The following AHCYL2 variants were observed in gnomAD, a reference collection of about 807,000 sequenced individuals.
AHCYL2 encodes adenosylhomocysteinase like 2.
AHCYL2 carries 28 observed loss-of-function variants against 81.4 expected under a neutral mutation model. The ratio of observed to expected loss-of-function variants is 0.34; its 90% CI spans 0.25 to 0.47. AHCYL2 has a LOEUF of 0.47. Ranked by LOEUF, AHCYL2 falls within the 20% of genes least tolerant of loss-of-function variation. AHCYL2 has a pLI of 1.00. For missense variants in AHCYL2, 551 were observed against 785.1 expected (o/e 0.70, Z 3.56); for synonymous variants, 272 against 290.2 (o/e 0.94, Z 0.64).
chr7:129,243,380 G>A (rs913658350), intron 1 of AHCYL2, among the ~76,000 whole-genome samples: 3 of 151,856 alleles, frequency 2.0e-5, no homozygotes, highest in Non-Finnish European at 4.4e-5. Context: ...ATATCTTTTG[G>A]TCTGTGGCTT....
chr7:129,345,403 A>G (rs1332708613), intron 1 of AHCYL2, among the ~76,000 whole-genome samples: 2 of 152,226 alleles, frequency 1.3e-5, no homozygotes, highest in African/African-American at 4.8e-5. Context: ...CTGAAGAACT[A>G]TCGATGCTCA....
At chr7:129,269,817 T>G (rs1010013210) in intron 1 of AHCYL2, among the ~76,000 whole-genome samples, 1 of 152,368 alleles carries the variant, frequency 6.6e-6, no homozygotes, top group Non-Finnish European at 1.5e-5. Context: ...TAATTCATGC[T>G]TATATCCTTA....
chr7:129,389,095 C>T lies in AHCYL2; in HGVS notation c.515C>T (p.Pro172Leu). 6.2e-7 allele frequency: 1 copy of T among 1,613,786 alleles called. No individual in the cohort carries two copies. The highest frequency in any genetic ancestry group is 1.1e-5 in the South Asian group (1 of 91,072). Reference sequence around the variant, plus strand: ...GATAGCTCTGATGATGAGACATCGCCCAGGGACAAGCAGCAAAAGAACTCT... The same window carrying T: ...GATAGCTCTGATGATGAGACATCGCTCAGGGACAAGCAGCAAAAGAACTCT... ...YTDSSDDETS[P>L]RDKQQKNSKG... Residue 172 changes from proline to leucine, a missense_variant, in exon 3 of 17, where the codon CCC becomes CTC. By Grantham distance (98) the Pro-to-Leu change is moderately conservative (BLOSUM62 -3). Coordinates refer to ENST00000325006, the MANE Select transcript of AHCYL2 (RefSeq NM_015328.4).
At chr7:129,303,218 C>T (rs1349471716) in intron 1 of AHCYL2, among the ~76,000 whole-genome samples, 4 of 152,130 alleles carry the variant, frequency 2.6e-5, no homozygotes, top group Non-Finnish European at 4.4e-5. Context: ...AGGCTGGTCT[C>T]GAACTCCCAA....
intron 1 of AHCYL2, among the ~76,000 whole-genome samples, chr7:129,270,485 G>T (rs933093529): frequency 1.3e-5 from 2 of 152,066 alleles, no homozygotes; most frequent in Admixed American, 6.6e-5. Flanking sequence ...GACAAAGGGG[G>T]AAAGAACACT....
intron 5 of AHCYL2, among the ~76,000 whole-genome samples, chr7:129,397,967 A>G (rs749917106): frequency 6.6e-6 from 1 of 152,238 alleles, no homozygotes; most frequent in African/African-American, 2.4e-5. Flanking sequence ...TACAAATATT[A>G]AATGTGTACC....
At chr7:129,403,164 A>G (rs1315345157) in intron 6 of AHCYL2, among the ~76,000 whole-genome samples, 2 of 152,262 alleles carry the variant, frequency 1.3e-5, no homozygotes, top group South Asian at 4.1e-4. Context: ...GCGAATTACA[A>G]TTGGCCTTTC....
At position 129,389,696 on chromosome 7, in the gene AHCYL2, A is replaced by G. The variant is rs1795374602; in HGVS notation, c.682A>G (p.Lys228Glu). ...AQGEKPLAGA[K>E]IVGCTHITAQ... is the part of the protein sequence containing the mutation. Reference sequence around the variant, plus strand: ...AGGAGAAAAGCCTTTGGCTGGAGCCAAAATCGTGGGTTGCACACACATCAC... The same window carrying G: ...AGGAGAAAAGCCTTTGGCTGGAGCCGAAATCGTGGGTTGCACACACATCAC... Residue 228 changes from lysine to glutamate, a missense_variant, in exon 4 of 17, where the codon AAA (lysine) becomes GAA (glutamate). Lys to Glu is a moderately conservative substitution (Grantham distance 56). Coordinates refer to ENST00000325006, the MANE Select transcript of AHCYL2 (RefSeq NM_015328.4). 6.2e-7 allele frequency: 1 copy of G among 1,613,554 alleles called. No homozygotes were observed. Among genetic ancestry groups the G allele is most frequent in the South Asian group, 1.1e-5 (1 of 91,024 alleles).
intron 5 of AHCYL2, among the ~76,000 whole-genome samples, chr7:129,398,872 G>A (rs1264545280): frequency 6.6e-6 from 1 of 151,900 alleles, no homozygotes; most frequent in African/African-American, 2.4e-5. Context: ...ACAAACAAGA[G>A]GCTTAGGAAA....
chr7:129,237,513 T>G (rs1174784085), intron 1 of AHCYL2, among the ~76,000 whole-genome samples: 1 of 151,998 alleles, frequency 6.6e-6, no homozygotes, highest in Non-Finnish European at 1.5e-5. Flanking sequence ...ACTGATTTAG[T>G]GTTTACGGTG....
At chr7:129,399,681 A>C (rs1336710270) in intron 5 of AHCYL2, among the ~76,000 whole-genome samples, 1 of 151,406 alleles carries the variant, frequency 6.6e-6, no homozygotes, top group Non-Finnish European at 1.5e-5. Flanking sequence ...GTTTGAGTGG[A>C]TCAAGAAGTA....
At chr7:129,389,385 A>T (rs1047423689) in intron 3 of AHCYL2, among the ~76,000 whole-genome samples, 186 bp downstream of exon 3, 3 of 17,138 alleles carry the variant, frequency 1.8e-4, no homozygotes, top group Admixed American at 4.4e-4. Flanking sequence ...ACCCTGTATT[A>T]AAAAAAAAAA....
At chr7:129,228,555 T>C (rs957467158) in intron 1 of AHCYL2, among the ~76,000 whole-genome samples, 1 of 152,194 alleles carries the variant, frequency 6.6e-6, no homozygotes. Flanking sequence ...AAGAAGTAAT[T>C]TGGGAAATGG....
intron 1 of AHCYL2, among the ~76,000 whole-genome samples, chr7:129,233,269 C>T (rs1426221040): frequency 6.6e-6 from 1 of 152,146 alleles, no homozygotes; most frequent in African/African-American, 2.4e-5. Flanking sequence ...ACTGTAGCCT[C>T]AAACTCCCTG....
At chr7:129,338,714 T>C (rs912462117) in intron 1 of AHCYL2, among the ~76,000 whole-genome samples, 7 of 152,268 alleles carry the variant, frequency 4.6e-5, no homozygotes, top group African/African-American at 1.4e-4. Flanking sequence ...CGTACTTGCC[T>C]GTTGGATTGT....
chr7:129,246,381 C>T (rs757432105), intron 1 of AHCYL2, among the ~76,000 whole-genome samples: 2 of 152,142 alleles, frequency 1.3e-5, no homozygotes, highest in Non-Finnish European at 2.9e-5. Flanking sequence ...TTTAAAATCA[C>T]CTCCACAATC....
At chr7:129,404,867 G>A (rs1030609072) in intron 7 of AHCYL2, among the ~76,000 whole-genome samples, 5 of 152,076 alleles carry the variant, frequency 3.3e-5, no homozygotes, top group African/African-American at 4.8e-5. Flanking sequence ...TTAGAGGTGG[G>A]TCAAGGATTT....
intron 1 of AHCYL2, among the ~76,000 whole-genome samples, chr7:129,260,262 T>C (rs1234679926): frequency 6.6e-6 from 1 of 152,222 alleles, no homozygotes; most frequent in East Asian, 1.9e-4. Flanking sequence ...TAACTGTCTT[T>C]GTTGGCTTAG....
chr7:129,252,615 A>G (rs1795281434), intron 1 of AHCYL2, among the ~76,000 whole-genome samples: 1 of 152,192 alleles, frequency 6.6e-6, no homozygotes, highest in Admixed American at 6.5e-5. Context: ...AAAAATTAAA[A>G]TATTGTCTGG....
Sources: allele counts gnomAD v4.1 joint callset (sites outside exome capture counted in the v4.1 genomes callset), GRCh38; gene constraint gnomAD v4.1.1; transcripts MANE v1.5; gene names NCBI Gene and HGNC (gene_info 2026-07-23, HGNC 2026-07-21).